The following LOXHD1 variants were observed in gnomAD, a reference collection of about 807,000 sequenced individuals.
LOXHD1 encodes lipoxygenase homology PLAT domains 1, also known as lipoxygenase homology domain-containing protein 1.
Under a neutral mutation model 248.2 loss-of-function variants are expected in LOXHD1, and 205 were observed. The observed-to-expected ratio is 0.83, with a 90% CI of 0.74 to 0.93. The LOEUF is 0.93. Among genes scored for constraint, LOXHD1 ranks in the 40% least tolerant of loss-of-function variants. The pLI, the probability that LOXHD1 is intolerant of heterozygous loss-of-function variation, is 0.00. For synonymous variants in LOXHD1, 1,113 were observed against 1,162.8 expected (o/e 0.96, Z 0.87); for missense variants, 2,930 against 2,971.6 (o/e 0.99, Z 0.33).
intron 34 of LOXHD1, among the ~76,000 whole-genome samples, chr18:46,510,262 G>T (rs980454960): frequency 6.6e-6 from 1 of 152,208 alleles, no homozygotes; most frequent in Non-Finnish European, 1.5e-5. Context: ...TGACAGGCCC[G>T]TTGCGAATGG....
chr18:46,563,173 G>T lies in LOXHD1; in HGVS notation c.2490C>A (p.Thr830=), dbSNP rs1355859713. The T allele has an allele frequency of 9.2e-6, 14 of 1,529,170 alleles. No homozygotes were observed. The highest frequency in any genetic ancestry group is 1.2e-5 in the Non-Finnish European group (14 of 1,128,388). The allele number at this position is 1,529,170 out of a possible 1,614,324, so 94.7% of individuals were successfully genotyped here. The stretch of plus-strand genomic sequence containing the variant: ...AGATCTGCATGTAGACTCGGGCACT[G>T]GTGCCTGCGCCACCCACATCTCCTG... ...IWTGDVGGAG[T]SARVYMQIYG... Residue 830 remains threonine (T), a synonymous_variant, in exon 18 of 41, where the codon ACC becomes ACA. Coordinates refer to ENST00000642948, the MANE Select transcript of LOXHD1 (RefSeq NM_001384474.1).
intron 33 of LOXHD1, among the ~76,000 whole-genome samples, chr18:46,519,947 T>A (rs1265010245): frequency 6.6e-6 from 1 of 152,014 alleles, no homozygotes; most frequent in African/African-American, 2.4e-5. Flanking sequence ...TAGGTCTGGA[T>A]TTTCCTGGAC....
rs530307642 is a variant in LOXHD1 at position 46,601,602 on chromosome 18, A to G, written c.884-135T>C. 1.2e-4 allele frequency: 143 copies of G among 1,204,030 alleles called. 1 individual carries two copies. The highest frequency in any genetic ancestry group is 1.6e-4 in the Non-Finnish European group (137 of 840,388). 74.6% of individuals were successfully genotyped at this position (1,204,030 alleles called of 1,614,324 possible). A position where few individuals can be genotyped will look rare whatever the true frequency, so the allele number is the denominator to read the frequency against. ...ACATCCTCTTTCCCCATCATGTCCT[A>G]CTCCTCCAGATGCCACCTAATGTCC... is the stretch of plus-strand genomic sequence containing the variant. On this transcript the variant is annotated intron_variant, in intron 7 of 40. Transcript: ENST00000642948.
At chr18:46,482,703 C>CT (rs2032681618) in intron 40 of LOXHD1, among the ~76,000 whole-genome samples, 1 of 152,222 alleles carries the variant, frequency 6.6e-6, no homozygotes, top group Admixed American at 6.5e-5. Flanking sequence ...TAGCCGAGGG[C>CT]TCTGCCTAGG....
At chr18:46,524,942 C>T in intron 29 of LOXHD1, 25 bp from the exon 30 acceptor site, 1 of 1,551,156 alleles carries the variant, frequency 6.4e-7, no homozygotes, top group Non-Finnish European at 8.7e-7. Context: ...TGTGGGGACT[C>T]ATATGGGGGT....
rs1231883435 is a variant in LOXHD1, at chr18:46,631,985, C to CA, written c.511+7630dup. Among the ~76,000 whole-genome samples, 12 of 152,276 alleles carry CA rather than the reference C, an allele frequency of 7.9e-5. 2 individuals are homozygous for CA. The South Asian group carries it at 1.9e-3, about 24-fold the overall frequency. ...GCTTTCAGAGCCACTGTCTGCCAGG[C>CA]ACAGGAGCCAACACAATCTGAGCAA... is the stretch of plus-strand genomic sequence containing the variant. On this transcript the variant is annotated intron_variant, in intron 4 of 40. Coordinates refer to ENST00000642948, the MANE Select transcript of LOXHD1 (RefSeq NM_001384474.1).
In LOXHD1 at chr18:46,533,735, C is replaced by G. The variant is rs1405011420; in HGVS notation, c.4213-411G>C. The G allele has an allele frequency of 9.1e-6, 3 of 331,246 alleles. No homozygotes were observed. The Admixed American group carries it at 1.1e-4, about 12-fold the overall frequency. 20.5% of individuals were successfully genotyped at this position (331,246 alleles called of 1,614,324 possible). ...TGTCAGGATTTCAAGACCAGCTTGG[C>G]CAACATGGTGAAACCCCATCTCTAC... is the stretch of plus-strand genomic sequence containing the variant. On this transcript the variant is annotated intron_variant, in intron 27 of 40. Transcript: ENST00000642948.
rs542264362 is a variant in LOXHD1, at chr18:46,503,921, G to A, written c.5878+1917C>T. Among the ~76,000 whole-genome samples the A allele has an allele frequency of 2.0e-5, 3 of 152,204 alleles. No individual in the cohort carries two copies. The South Asian group carries it at 6.2e-4, about 32-fold the overall frequency. ...GGCAAGATGGGCCGGCACACAGAAC[G>A]GTGTGTTAGAACAGGCATCAGAAGA... On this transcript the variant is annotated intron_variant, in intron 37 of 40. Transcript: ENST00000642948.
At chr18:46,607,805 C>T (rs945710068) in intron 6 of LOXHD1, among the ~76,000 whole-genome samples, 9 of 151,868 alleles carry the variant, frequency 5.9e-5, no homozygotes, top group Non-Finnish European at 8.8e-5. Flanking sequence ...GGGAAGCTGC[C>T]GGTTTTGGAA....
chr18:46,656,794 G>T, intron 1 of LOXHD1, 110 bp downstream of exon 1: 1 of 1,246,602 alleles, frequency 8.0e-7, no homozygotes, highest in Non-Finnish European at 1.1e-6. Context: ...GATAATCAGT[G>T]AGGAAGGGCT....
In LOXHD1 at chr18:46,593,206, G is replaced by T. The variant is rs760254707; in HGVS notation, c.1431+394C>A. Among the ~76,000 whole-genome samples, 32 of 151,676 alleles carry T rather than the reference G, an allele frequency of 2.1e-4. No individual in the cohort carries two copies. In the South Asian group the frequency reaches 3.6e-3, roughly 17 times the overall value. On this transcript the variant is annotated intron_variant, in intron 10 of 40. Transcript: ENST00000642948. ...GTTTTAAAGCTGAATTTTAAAAAAAGTTCTAAAATTCATACTTTTGATTAA... is the reference window on the plus strand; with the variant it reads ...GTTTTAAAGCTGAATTTTAAAAAAATTTCTAAAATTCATACTTTTGATTAA...
intron 5 of LOXHD1, among the ~76,000 whole-genome samples, chr18:46,613,969 T>C (rs1258258541): frequency 6.6e-6 from 1 of 152,212 alleles, no homozygotes; most frequent in Admixed American, 6.5e-5. Context: ...CATGACAAAA[T>C]GCTTATCATC....
At chr18:46,651,637 T>C (rs536148487) in intron 1 of LOXHD1, among the ~76,000 whole-genome samples, 1 of 151,944 alleles carries the variant, frequency 6.6e-6, no homozygotes, top group East Asian at 1.9e-4. Flanking sequence ...ACTTCTTAAA[T>C]GGACACAAAC....
At chr18:46,538,827 C>A (rs2036434287) in intron 25 of LOXHD1, among the ~76,000 whole-genome samples, 1 of 152,258 alleles carries the variant, frequency 6.6e-6, no homozygotes, top group African/African-American at 2.4e-5. Flanking sequence ...CGGTAGTGAG[C>A]ATTCTTTCAC....
At chr18:46,495,498 G>A (rs971252123) in intron 37 of LOXHD1, among the ~76,000 whole-genome samples, 7 of 152,172 alleles carry the variant, frequency 4.6e-5, no homozygotes, top group African/African-American at 1.7e-4. Flanking sequence ...GAAGAGTTAT[G>A]AGGAAATTTT....
intron 28 of LOXHD1, among the ~76,000 whole-genome samples, chr18:46,532,797 C>G (rs34693070): frequency 0.19 from 28,154 of 152,132 alleles, 2,808 homozygotes; most frequent in African/African-American, 0.24. Flanking sequence ...AGCAGAGAGG[C>G]CAAAGCCAGT....
chr18:46,572,663 A>G (rs2037776034), intron 14 of LOXHD1, among the ~76,000 whole-genome samples: 1 of 152,148 alleles, frequency 6.6e-6, no homozygotes, highest in African/African-American at 2.4e-5. Flanking sequence ...CTCTTTTTCT[A>G]AGAGCTTTCC....
At chr18:46,495,002 C>T (rs1211992200) in intron 37 of LOXHD1, among the ~76,000 whole-genome samples, 3 of 151,824 alleles carry the variant, frequency 2.0e-5, no homozygotes, top group South Asian at 2.1e-4. Flanking sequence ...TACAGGCGCC[C>T]GCCACTGCGC....
In LOXHD1 at chr18:46,557,426, C is replaced by T. The variant is rs631046; in HGVS notation, c.3280G>A (p.Asp1094Asn). The T allele has an allele frequency of 6.4e-7, 1 of 1,552,236 alleles. No individual in the cohort carries two copies. Among genetic ancestry groups the T allele is most frequent in the Non-Finnish European group, 8.7e-7 (1 of 1,147,120 alleles). The change falls in exon 21 of 41, where the codon GAC becomes AAC. Residue 1094 changes from aspartate to asparagine, a missense_variant. Asp to Asn is a conservative substitution (Grantham distance 23, BLOSUM62 1). Transcript: ENST00000642948. The stretch of plus-strand genomic sequence containing the variant: ...CAGCCTGCTCTGTTGCCTGTGTTGT[C>T]GTGGCGAATCCGAATCTTGGTCAGG... ...GALTKIRIRH[D>N]NTGNRAGWFL...
Sources: allele counts gnomAD v4.1 joint callset (sites outside exome capture counted in the v4.1 genomes callset), GRCh38; gene constraint gnomAD v4.1.1; transcripts MANE v1.5; gene names NCBI Gene and HGNC (gene_info 2026-07-23, HGNC 2026-07-21).